EPHA1: variants seen among roughly 807,000 people sequenced by gnomAD.
EPHA1 encodes EPH receptor A1.
EPHA1 carries 92 observed loss-of-function variants against 110.1 expected under a neutral mutation model. That is an observed-to-expected ratio of 0.84 (90% CI 0.71 to 0.99). The LOEUF (loss-of-function observed/expected upper bound fraction) is 0.99. Ranked by LOEUF, EPHA1 falls within the 50% of genes least tolerant of loss-of-function variation. The pLI, the probability that EPHA1 is intolerant of heterozygous loss-of-function variation, is 0.00. For missense variants in EPHA1, 1,204 were observed against 1,285.4 expected (o/e 0.94, Z 0.97); for synonymous variants, 500 against 516.1 (o/e 0.97, Z 0.42).
chr7:143,398,884 A>G lies in EPHA1; in HGVS notation c.1053T>C (p.Arg351=), dbSNP rs928267382. The G allele has an allele frequency of 9.3e-6, 15 of 1,613,326 alleles. No individual in the cohort carries two copies. Among genetic ancestry groups the G allele is most frequent in the Non-Finnish European group, 1.1e-5 (13 of 1,179,836 alleles). The change falls in exon 6 of 18, where the codon CGT becomes CGC. Residue 351 remains arginine, a synonymous_variant. Transcript: ENST00000275815. The part of the protein sequence containing the change: ...FSASGTQLSL[R]WEPPADTGGR... ...CCCCCGTATCTGCTGGGGGTTCCCAACGCAGGGAGAGCTGAGTCCCTGAGG... is the reference window on the plus strand; with the variant it reads ...CCCCCGTATCTGCTGGGGGTTCCCAGCGCAGGGAGAGCTGAGTCCCTGAGG...
intron 14 of EPHA1, among the ~76,000 whole-genome samples, 158 bp downstream of exon 14, chr7:143,394,650 G>A (rs1473522267): frequency 2.0e-5 from 3 of 152,102 alleles, no homozygotes; most frequent in Non-Finnish European, 4.4e-5. Context: ...TCGATCTCCT[G>A]ACCTTGTGAT....
chr7:143,391,580 C>T (rs769017226), intron 17 of EPHA1, 40 bp downstream of exon 17: 3 of 1,614,132 alleles, frequency 1.9e-6, no homozygotes, highest in Non-Finnish European at 2.5e-6. Context: ...AGGCTCCACC[C>T]CCGCAGCCCT....
At chr7:143,403,663 C>T (rs148472315) in intron 2 of EPHA1, among the ~76,000 whole-genome samples, 1 of 152,290 alleles carries the variant, frequency 6.6e-6, no homozygotes, top group East Asian at 1.9e-4. Context: ...ATTTACACTT[C>T]CACCAGCAAC....
In EPHA1 at chr7:143,401,461, G is replaced by T. The variant is rs147254019; in HGVS notation, c.295C>A (p.Leu99Met). Residue 99 changes from leucine to methionine, a missense_variant, in exon 3 of 18, where the codon CTG becomes ATG. Coordinates refer to ENST00000275815, the MANE Select transcript of EPHA1 (RefSeq NM_005232.5). This position sits in a 1 kb window ranked among gnomAD's most constrained non-coding sequence, Gnocchi z 4.1. The part of the protein sequence containing the change: ...GEEASRVHVE[L>M]QFTVRDCKSF... The stretch of plus-strand genomic sequence containing the variant: ...TTGCAGTCCCGCACGGTGAACTGCA[G>T]CTCCACGTGGACGCGGGAAGCCTCC... The T allele has an allele frequency of 1.8e-4, 287 of 1,614,116 alleles. 1 individual carries two copies. In the Middle Eastern group the frequency reaches 2.0e-3, roughly 11 times the overall value.
In EPHA1 at chr7:143,394,903, T is replaced by C; in HGVS notation, c.2257A>G (p.Arg753Gly). 1 of 1,614,166 alleles carries C rather than the reference T, an allele frequency of 6.2e-7. No homozygotes were observed. Among genetic ancestry groups the C allele is most frequent in the Non-Finnish European group, 8.5e-7 (1 of 1,180,030 alleles). The change falls in exon 14 of 18, where the codon AGA becomes GGA. Residue 753 changes from arginine to glycine, a missense_variant. Coordinates refer to ENST00000275815, the MANE Select transcript of EPHA1 (RefSeq NM_005232.5). ...HNYVHRDLAA[R>G]NILVNQNLCC... is the part of the protein sequence containing the mutation. The stretch of plus-strand genomic sequence containing the variant: ...AGGTTTTGATTCACCAAGATGTTTC[T>C]GGCAGCCAGGTCCCGGTGGACATAA...
chr7:143,401,607 T>C lies in EPHA1; in HGVS notation c.151-2A>G. The C allele has an allele frequency of 3.1e-6, 5 of 1,606,666 alleles. No individual in the cohort carries two copies. The highest frequency in any genetic ancestry group is 4.3e-6 in the Non-Finnish European group (5 of 1,173,838). On this transcript the variant is annotated splice_acceptor_variant, in intron 2 of 17. Coordinates refer to ENST00000275815, the MANE Select transcript of EPHA1 (RefSeq NM_005232.5). LOFTEE classifies it high-confidence loss of function. The surrounding 1 kb of genome is among the most constrained non-coding windows in gnomAD (Gnocchi z 4.1). ...CAGTATCTGTTGCTGTTCACTCCAC[T>C]GCAAGGAGGAAATCAGAGTCAGGGA...
intron 2 of EPHA1, among the ~76,000 whole-genome samples, chr7:143,406,148 A>G (rs1288876071): frequency 6.6e-6 from 1 of 152,206 alleles, no homozygotes; most frequent in Non-Finnish European, 1.5e-5. Context: ...GGGGATGGGA[A>G]CTAGACTGGG....
At position 143,401,318 on chromosome 7, in the gene EPHA1, C is replaced by G; in HGVS notation, c.432+6G>C. 4 of 1,612,802 alleles carry G rather than the reference C, an allele frequency of 2.5e-6. No homozygotes were observed. The highest frequency in any genetic ancestry group is 2.2e-5 in the East Asian group (1 of 44,866). The stretch of plus-strand genomic sequence containing the variant: ...AGGACCCAGATGGCATGGAGGGAAG[C>G]AGCACCTTCTGGAACAAGGGCCGTC... On this transcript the variant is annotated splice_donor_region_variant and intron_variant, in intron 3 of 17. Coordinates refer to ENST00000275815, the MANE Select transcript of EPHA1 (RefSeq NM_005232.5). This position sits in a 1 kb window ranked among gnomAD's most constrained non-coding sequence, Gnocchi z 4.1.
chr7:143,399,470 A>T, intron 4 of EPHA1, 57 bp from the exon 5 acceptor site: 1 of 1,545,362 alleles, frequency 6.5e-7, no homozygotes, highest in Admixed American at 1.9e-5. Context: ...AGGCAGAACC[A>T]CCACCACCCC....
At position 143,397,779 on chromosome 7, in the gene EPHA1, C is replaced by G. The variant is rs543988201; in HGVS notation, c.1616-122G>C. ...CTTTCAGTGTGCATCAGGTCGGTGT[C>G]TGTCCCCTACCCCCGGAAGAAGGGA... is the stretch of plus-strand genomic sequence containing the variant. On this transcript the variant is annotated intron_variant, in intron 8 of 17. Coordinates refer to ENST00000275815, the MANE Select transcript of EPHA1 (RefSeq NM_005232.5). 3.6e-5 allele frequency: 55 copies of G among 1,521,334 alleles called. No homozygotes were observed. In the East Asian group the frequency reaches 1.1e-3, roughly 29 times the overall value. The allele number at this position is 1,521,334 out of a possible 1,614,324, so 94.2% of individuals were successfully genotyped here.
rs775933608 is a variant in EPHA1, at chr7:143,394,295, G to A, written c.2401C>T (p.Arg801Trp). 35 of 1,613,984 alleles carry A rather than the reference G, an allele frequency of 2.2e-5. No individual in the cohort carries two copies. Among genetic ancestry groups the A allele is most frequent in the Admixed American group, 5.0e-5 (3 of 59,998 alleles). Reference sequence around the variant, plus strand: ...ACATCGCTGGCTGTGGTGAAGATCCGATGGGCAATGGCTTCAGGGGCTGTC... The same window carrying A: ...ACATCGCTGGCTGTGGTGAAGATCCAATGGGCAATGGCTTCAGGGGCTGTC... ...RWTAPEAIAH[R>W]IFTTASDVWS... The change falls in exon 15 of 18, where the codon CGG becomes TGG. Residue 801 changes from arginine to tryptophan, a missense_variant. Coordinates refer to ENST00000275815, the MANE Select transcript of EPHA1 (RefSeq NM_005232.5).
rs201804057 is a variant in EPHA1, at chr7:143,399,375, G to A, written c.874C>T (p.Pro292Ser). ...TGCTGGGGGCACGTGAGACAATGGGGTGTGTCCATGTCCATCCGGTAGGAG... is the reference window on the plus strand; with the variant it reads ...TGCTGGGGGCACGTGAGACAATGGGATGTGTCCATGTCCATCCGGTAGGAG... ...SGSYRMDMDT[P>S]HCLTCPQQST... The change falls in exon 5 of 18, where the codon CCC (proline) becomes TCC (serine). Residue 292 changes from proline to serine, a missense_variant. Physicochemically the swap from Pro to Ser is moderately conservative, Grantham distance 74. Coordinates refer to ENST00000275815, the MANE Select transcript of EPHA1 (RefSeq NM_005232.5). The A allele has an allele frequency of 1.9e-6, 3 of 1,609,288 alleles. No individual in the cohort carries two copies. Among genetic ancestry groups the A allele is most frequent in the African/African-American group, 2.7e-5 (2 of 74,974 alleles).
rs1194876017 is a variant in EPHA1 at position 143,408,816 on chromosome 7, CGGGACCTG to C, written c.-19_-12del. The C allele has an allele frequency of 2.7e-6, 3 of 1,118,570 alleles. No homozygotes were observed. Among genetic ancestry groups the C allele is most frequent in the Non-Finnish European group, 3.3e-6 (3 of 920,792 alleles). 69.3% of individuals were successfully genotyped at this position (1,118,570 alleles called of 1,614,324 possible). A position where few individuals can be genotyped will look rare whatever the true frequency, so the allele number is the denominator to read the frequency against. On this transcript the variant is annotated 5_prime_UTR_variant, in exon 1 of 18. Transcript: ENST00000275815. ...CCAGCGCCGCTCCATAGCTCCGGGC[CGGGACCTG>C]GGACAGTGGCCCGGATGGCAGCGCC... is the stretch of plus-strand genomic sequence containing the variant.
Position 143,396,476 on chromosome 7 carries a change from G to C in EPHA1, c.1806C>G (p.Leu602=), listed in dbSNP as rs1304237103. ...CCTGTGCAGGGTCCTCGTATGCCTG[G>C]AGGTCCACATAAGGCTTCAGCCACA... ...DKLWLKPYVD[L]QAYEDPAQGA... Residue 602 remains leucine, a synonymous_variant, in exon 11 of 18, where the codon CTC becomes CTG. Transcript: ENST00000275815. 6.2e-7 allele frequency: 1 copy of C among 1,613,928 alleles called. No individual in the cohort carries two copies. The highest frequency in any genetic ancestry group is 1.3e-5 in the African/African-American group (1 of 74,916).
chr7:143,399,334 A>C lies in EPHA1; in HGVS notation c.915T>G (p.Ser305=). The C allele has an allele frequency of 6.2e-7, 1 of 1,612,676 alleles. No homozygotes were observed. The highest frequency in any genetic ancestry group is 8.5e-7 in the Non-Finnish European group (1 of 1,179,808). The part of the protein sequence containing the change: ...LTCPQQSTAE[S]EGATICTCES... ...CACAGGTACAGATGGTGGCCCCCTC[A>C]GACTCAGCAGTGCTCTGCTGGGGGC... The change falls in exon 5 of 18, where the codon TCT becomes TCG. Residue 305 remains serine (S), a synonymous_variant. Transcript: ENST00000275815.
chr7:143,397,437 T>TC, intron 9 of EPHA1, 75 bp from the exon 10 acceptor site: 1 of 1,571,644 alleles, frequency 6.4e-7, no homozygotes, highest in Non-Finnish European at 8.7e-7. Flanking sequence ...GGCTGAATCT[T>TC]CCCCAGAAAC....
Position 143,394,220 on chromosome 7 carries a change from G to C in EPHA1, c.2476C>G (p.Pro826Ala). The change falls in exon 15 of 18, where the codon CCT (proline) becomes GCT (alanine). Residue 826 changes from proline to alanine, a missense_variant. Coordinates refer to ENST00000275815, the MANE Select transcript of EPHA1 (RefSeq NM_005232.5). ...TCCTGATTGCTCATCTCCCCATAAG[G>C]CTTGTCCCCAAAGCTCAGCACCTCC... ...MWEVLSFGDK[P>A]YGEMSNQEVM... is the part of the protein sequence containing the mutation. 2 of 1,614,022 alleles carry C rather than the reference G, an allele frequency of 1.2e-6. No individual in the cohort carries two copies. Among genetic ancestry groups the C allele is most frequent in the Non-Finnish European group, 1.7e-6 (2 of 1,179,946 alleles).
In EPHA1 at chr7:143,401,820, C is replaced by T. The variant is rs1005440501; in HGVS notation, c.151-215G>A. On this transcript the variant is annotated intron_variant, in intron 2 of 17. Transcript: ENST00000275815. The surrounding 1 kb of genome is among the most constrained non-coding windows in gnomAD (Gnocchi z 4.1). ...GATGGGCAAGACAATAGTCCCTTAA[C>T]ATCCCTAGTTGATCCTGGTCCCTTC... Among the ~76,000 whole-genome samples, 1 of 152,226 alleles carries T rather than the reference C, an allele frequency of 6.6e-6. No homozygotes were observed. The highest frequency in any genetic ancestry group is 1.5e-5 in the Non-Finnish European group (1 of 68,036).
rs980451309 is a variant in EPHA1 at position 143,391,897 on chromosome 7, T to C, written c.2697-122A>G. 6.1e-6 allele frequency: 9 copies of C among 1,486,424 alleles called. No individual in the cohort carries two copies. The African/African-American group carries it at 1.2e-4, about 21-fold the overall frequency. The allele number at this position is 1,486,424 out of a possible 1,614,324, so 92.1% of individuals were successfully genotyped here. On this transcript the variant is annotated intron_variant, in intron 16 of 17. Transcript: ENST00000275815. Reference sequence around the variant, plus strand: ...CTGGGCACAGAGATCATCTAGACTGTGGATTGACCCCACCATTATCTCTGA... The same window carrying C: ...CTGGGCACAGAGATCATCTAGACTGCGGATTGACCCCACCATTATCTCTGA...
Sources: allele counts gnomAD v4.1 joint callset (sites outside exome capture counted in the v4.1 genomes callset), GRCh38; gene constraint gnomAD v4.1.1; non-coding constraint Gnocchi (gnomAD v3.1); transcripts MANE v1.5; gene names NCBI Gene and HGNC (gene_info 2026-07-23, HGNC 2026-07-21).